Variants in CCDC9 observed in about 807,000 individuals in gnomAD.
The protein encoded by CCDC9 is coiled-coil domain-containing protein 9.
In CCDC9, 52 loss-of-function variants were observed where a neutral mutation model predicts 65.6. The ratio of observed to expected loss-of-function variants is 0.79; its 90% CI spans 0.63 to 1.00. The LOEUF (loss-of-function observed/expected upper bound fraction) is 1.00, where lower values mean the gene tolerates loss of function less well. Among genes scored for constraint, CCDC9 ranks in the 50% least tolerant of loss-of-function variants. The pLI is 0.00. For missense variants in CCDC9, 834 were observed against 757.2 expected, an observed-to-expected ratio of 1.10 and a Z score of -1.19; for synonymous variants, 332 against 280.3, an observed-to-expected ratio of 1.18 and a Z score of -1.84.
At chr19:47,272,057 C>T, downstream of CCDC9, 1 of 1,236,926 alleles carries the variant, frequency 8.1e-7, no homozygotes, top group East Asian at 3.1e-5. Flanking sequence ...GACTGGGGCT[C>T]CCCTTCCCTA....
In CCDC9 at chr19:47,264,597, C is replaced by A; in HGVS notation, c.463-6C>A. On this transcript the variant is annotated splice_polypyrimidine_tract_variant and splice_region_variant and intron_variant, in intron 5 of 11. Coordinates refer to ENST00000221922, the MANE Select transcript of CCDC9 (RefSeq NM_015603.3). ...AAGCTGGGTGTCCCTATCTTTATCCCCCCAGGAGTGGGAGGAGCGGCGCAG... is the reference window on the plus strand; with the variant it reads ...AAGCTGGGTGTCCCTATCTTTATCCACCCAGGAGTGGGAGGAGCGGCGCAG... 6.3e-7 allele frequency: 1 copy of A among 1,587,946 alleles called. No homozygotes were observed. The highest frequency in any genetic ancestry group is 8.6e-7 in the Non-Finnish European group (1 of 1,166,828).
In CCDC9 at chr19:47,258,279, AG is replaced by A. The variant is rs2059023786; in HGVS notation, c.-71-50del. On this transcript the variant is annotated intron_variant, in intron 1 of 11. Transcript: ENST00000221922. ...GATCCCGCAGTATGTTAGAGGGTGA[AG>A]TAGGTTGGGGGGCCATTGGCCTTTG... The A allele has an allele frequency of 6.1e-6, 6 of 978,850 alleles. No homozygotes were observed. The Admixed American group carries it at 1.1e-4, about 18-fold the overall frequency. The allele number at this position is 978,850 out of a possible 1,614,324, so 60.6% of individuals were successfully genotyped here.
chr19:47,261,432 AGCT>A (rs1372542733), intron 5 of CCDC9, among the ~76,000 whole-genome samples: 2 of 152,164 alleles, frequency 1.3e-5, no homozygotes, highest in Non-Finnish European at 2.9e-5. Flanking sequence ...GAGTCTGTCT[AGCT>A]GAGTGGCTTA....
downstream of CCDC9, chr19:47,275,285 C>A: frequency 1.3e-6 from 2 of 1,545,900 alleles, no homozygotes; most frequent in Non-Finnish European, 8.7e-7. Context: ...ACCCTGACCG[C>A]CGTCCGAGCC....
chr19:47,257,991 C>T, intron 1 of CCDC9: 1 of 249,674 alleles, frequency 4.0e-6, no homozygotes, highest in Non-Finnish European at 7.8e-6. Flanking sequence ...CGGGCTAACA[C>T]TCATACCACA....
chr19:47,274,017 C>T, downstream of CCDC9: 1 of 978,956 alleles, frequency 1.0e-6, no homozygotes, highest in Non-Finnish European at 1.2e-6. Flanking sequence ...AGCTTCCCCG[C>T]CTTGATGGGG....
In CCDC9 at chr19:47,271,380, A is replaced by G; in HGVS notation, c.1298A>G (p.Glu433Gly). 6.2e-7 allele frequency: 1 copy of G among 1,613,446 alleles called. No individual in the cohort carries two copies. The highest frequency in any genetic ancestry group is 8.5e-7 in the Non-Finnish European group (1 of 1,179,724). The change falls in exon 12 of 12, where the codon GAG becomes GGG. Residue 433 changes from glutamate to glycine, a missense_variant. Coordinates refer to ENST00000221922, the MANE Select transcript of CCDC9 (RefSeq NM_015603.3). The stretch of plus-strand genomic sequence containing the variant: ...GAGGACATAAGTGAGGATGAGGAAG[A>G]GGAGGAGATCGAGGTGGAAGAAGGT... ...EWEDISEDEE[E>G]EEIEVEEGDE... is the part of the protein sequence containing the mutation.
chr19:47,267,611 G>A (rs932571096), intron 8 of CCDC9, among the ~76,000 whole-genome samples: 2 of 152,202 alleles, frequency 1.3e-5, no homozygotes, highest in Admixed American at 1.3e-4. Context: ...AGATGCACAA[G>A]CAGGCACACT....
downstream of CCDC9, chr19:47,273,332 C>T: frequency 2.4e-6 from 3 of 1,228,370 alleles, no homozygotes; most frequent in Non-Finnish European, 3.0e-6. Context: ...CTCCCCTCCG[C>T]TGACTCAGCC....
At chr19:47,273,407 G>A (rs888340999), downstream of CCDC9, 7 of 1,231,646 alleles carry the variant, frequency 5.7e-6, no homozygotes, top group Admixed American at 1.3e-4. Flanking sequence ...CTTCCAGAGG[G>A]TGCGTTTCTG....
intron 10 of CCDC9, 52 bp downstream of exon 10, chr19:47,270,740 G>T: frequency 6.5e-7 from 1 of 1,538,040 alleles, no homozygotes; most frequent in Admixed American, 2.0e-5. Flanking sequence ...TCCGCAGGGC[G>T]TTCTCTTCTT....
intron 10 of CCDC9, 78 bp from the exon 11 acceptor site, chr19:47,271,004 A>C: frequency 9.2e-7 from 1 of 1,086,626 alleles, no homozygotes; most frequent in Non-Finnish European, 1.3e-6. Flanking sequence ...GCTCCTCCCT[A>C]GGGAGGGTGG....
intron 3 of CCDC9, among the ~76,000 whole-genome samples, chr19:47,259,270 C>T (rs371139295): frequency 2.3e-4 from 35 of 152,024 alleles, no homozygotes; most frequent in African/African-American, 8.0e-4. Flanking sequence ...TGTGCTAGGC[C>T]CTGAATGCCA....
chr19:47,270,345 T>A (rs2059107715), intron 8 of CCDC9, 62 bp from the exon 9 acceptor site: 1 of 1,541,452 alleles, frequency 6.5e-7, no homozygotes, highest in Non-Finnish European at 9.0e-7. Context: ...CTCTCCCATC[T>A]TCTTGATCCT....
Position 47,271,798 on chromosome 19 carries a change from G to A in CCDC9, c.*120G>A, listed in dbSNP as rs981494287. 5 of 1,454,296 alleles carry A rather than the reference G, an allele frequency of 3.4e-6. No individual in the cohort carries two copies. The highest frequency in any genetic ancestry group is 1.4e-5 in the African/African-American group (1 of 70,534). The allele number at this position is 1,454,296 out of a possible 1,614,324, so 90.1% of individuals were successfully genotyped here. On this transcript the variant is annotated 3_prime_UTR_variant, in exon 12 of 12. Transcript: ENST00000221922. ...GCTGGTGGGGGACCCTTGGGGCTGG[G>A]CCCTGGGACCCAGTGTGCCCCACAG...
downstream of CCDC9, chr19:47,275,355 C>T (rs536561123): frequency 3.3e-6 from 5 of 1,536,808 alleles, no homozygotes; most frequent in African/African-American, 2.8e-5. Context: ...GTAACTCTCC[C>T]TTCCACCCCA....
rs377003541 is a variant in CCDC9, at chr19:47,264,568, C to A, written c.463-35C>A. 48 of 1,553,196 alleles carry A rather than the reference C, an allele frequency of 3.1e-5. No homozygotes were observed. The South Asian group carries it at 4.4e-4, about 14-fold the overall frequency. Reference sequence around the variant, plus strand: ...CTGCACCGGCAGCTTAATAGTTCTCCCTGAAGCTGGGTGTCCCTATCTTTA... The same window carrying A: ...CTGCACCGGCAGCTTAATAGTTCTCACTGAAGCTGGGTGTCCCTATCTTTA... On this transcript the variant is annotated intron_variant, in intron 5 of 11. Coordinates refer to ENST00000221922, the MANE Select transcript of CCDC9 (RefSeq NM_015603.3).
intron 8 of CCDC9, among the ~76,000 whole-genome samples, chr19:47,267,239 C>T (rs1396769645): frequency 2.0e-5 from 3 of 152,082 alleles, no homozygotes; most frequent in Middle Eastern, 3.4e-3. Flanking sequence ...GCTGAGATTA[C>T]AGGCGTGAGC....
intron 5 of CCDC9, 83 bp from the exon 6 acceptor site, chr19:47,264,520 A>G: frequency 7.6e-7 from 1 of 1,317,446 alleles, no homozygotes; most frequent in South Asian, 1.3e-5. Context: ...GAGGAGCCTC[A>G]GGCCTGCTGG....
Sources: gnomAD v4.1 joint callset for allele counts (sites outside exome capture counted in the v4.1 genomes callset) on GRCh38, gnomAD v4.1.1 for gene constraint, MANE v1.5 for transcripts, NCBI Gene and HGNC (gene_info 2026-07-23, HGNC 2026-07-21) for gene names.